Variants in PCDH9 observed in about 807,000 individuals in gnomAD.
PCDH9 encodes the protein protocadherin 9, also known as protocadherin-9.
PCDH9 carries 24 observed loss-of-function variants against 70.6 expected under a neutral mutation model. The ratio of observed to expected loss-of-function variants is 0.34; its 90% confidence interval spans 0.25 to 0.48. The LOEUF (loss-of-function observed/expected upper bound fraction) is 0.48, where lower values mean the gene tolerates loss of function less well. PCDH9 is among the 20% of genes least tolerant of loss of function. The probability of loss-of-function intolerance (pLI) is 0.99; values close to 1 mark genes in which losing one functional copy is unlikely to be tolerated. For missense variants in PCDH9, 1,281 were observed against 1,503.6 expected (o/e 0.85, Z 2.45); for synonymous variants, 562 against 558.5 (o/e 1.01, Z -0.09).
At chr13:66,898,484 A>C (rs1414091995) in intron 3 of PCDH9, among the ~76,000 whole-genome samples, 1 of 152,056 alleles carries the variant, frequency 6.6e-6, no homozygotes, top group Non-Finnish European at 1.5e-5. Context: ...GCTGATATCA[A>C]CAAGAACACC....
rs762353977 is a variant in PCDH9, at chr13:67,225,765, G to A, written c.2676C>T (p.Pro892=). 2.5e-6 allele frequency: 4 copies of A among 1,614,026 alleles called. No homozygotes were observed. The highest frequency in any genetic ancestry group is 2.2e-5 in the South Asian group (2 of 91,050). The change falls in exon 2 of 5, where the codon CCC becomes CCT. Residue 892 remains proline, a synonymous_variant. Transcript: ENST00000377865. ...TGATAGGTTCATGAACTGCATCATC[G>A]GGTTTGGACTCTTCGATAGTAACAA... is the stretch of plus-strand genomic sequence containing the variant. The part of the protein sequence containing the change: ...LNFVTIEESK[P]DDAVHEPING...
At chr13:66,956,953 G>C (rs1352955968) in intron 2 of PCDH9, among the ~76,000 whole-genome samples, 1 of 151,988 alleles carries the variant, frequency 6.6e-6, no homozygotes, top group African/African-American at 2.4e-5. Context: ...TTCCAAGTTG[G>C]TTTATCTCCA....
At chr13:66,837,913 C>T (rs1566230229) in intron 3 of PCDH9, among the ~76,000 whole-genome samples, 2 of 151,880 alleles carry the variant, frequency 1.3e-5, no homozygotes, top group African/African-American at 4.8e-5. Flanking sequence ...CCATTTCAAT[C>T]AAAGAGTGCC....
In PCDH9 at chr13:66,445,163, T is replaced by C. The variant is rs539517870; in HGVS notation, c.3341-140135A>G. 5.4e-5 allele frequency among the ~76,000 whole-genome samples: 8 copies of C among 147,010 alleles called. No individual in the cohort carries two copies. The South Asian group carries it at 1.7e-3, about 31-fold the overall frequency. On this transcript the variant is annotated intron_variant, in intron 4 of 4. Coordinates refer to ENST00000377865, the MANE Select transcript of PCDH9 (RefSeq NM_203487.3). ...TATTACATATATTATTTTACTATAT[T>C]ATATATTATATATATATAAAATCAC...
intron 3 of PCDH9, among the ~76,000 whole-genome samples, chr13:66,846,922 G>A (rs1317384496): frequency 6.8e-6 from 1 of 146,478 alleles, no homozygotes; most frequent in Admixed American, 6.8e-5. Context: ...CACACACAGA[G>A]TATATCACTA....
chr13:66,775,497 G>A (rs1399715659), intron 3 of PCDH9, among the ~76,000 whole-genome samples: 2 of 151,986 alleles, frequency 1.3e-5, no homozygotes, highest in African/African-American at 4.8e-5. Flanking sequence ...ATTTCCTTTT[G>A]CCTCTGCCAC....
At chr13:66,475,109 A>C (rs1156793156) in intron 4 of PCDH9, among the ~76,000 whole-genome samples, 1 of 152,104 alleles carries the variant, frequency 6.6e-6, no homozygotes, top group Non-Finnish European at 1.5e-5. Context: ...AGAAAAAGGA[A>C]TCACTGAATA....
intron 3 of PCDH9, among the ~76,000 whole-genome samples, chr13:66,656,920 G>A (rs1295888379): frequency 6.6e-6 from 1 of 152,140 alleles, no homozygotes; most frequent in Non-Finnish European, 1.5e-5. Flanking sequence ...AAGGAAATGA[G>A]AGCATCTGAA....
chr13:66,661,645 T>C, intron 3 of PCDH9, among the ~76,000 whole-genome samples: 1 of 152,200 alleles, frequency 6.6e-6, no homozygotes, highest in East Asian at 1.9e-4. Flanking sequence ...ACTCACACAA[T>C]TTTATCAGCA....
intron 4 of PCDH9, among the ~76,000 whole-genome samples, chr13:66,511,010 TCA>T (rs1342943556): frequency 6.6e-6 from 1 of 152,168 alleles, no homozygotes; most frequent in African/African-American, 2.4e-5. Flanking sequence ...TTTCCTTTGC[TCA>T]CTGAAGAAAA....
At chr13:66,986,619 G>C (rs1185372040) in intron 2 of PCDH9, among the ~76,000 whole-genome samples, 1 of 151,690 alleles carries the variant, frequency 6.6e-6, no homozygotes, top group East Asian at 1.9e-4. Context: ...GTTTTATTTA[G>C]GAATATAATT....
intron 3 of PCDH9, among the ~76,000 whole-genome samples, chr13:66,744,030 T>C (rs1053305568): frequency 6.6e-6 from 1 of 152,160 alleles, no homozygotes; most frequent in Non-Finnish European, 1.5e-5. Flanking sequence ...CATAAAAAGA[T>C]GGCCAGAAGG....
At chr13:66,858,590 T>C (rs1244577899) in intron 3 of PCDH9, among the ~76,000 whole-genome samples, 2 of 152,198 alleles carry the variant, frequency 1.3e-5, no homozygotes, top group Non-Finnish European at 1.5e-5. Flanking sequence ...ATTTCCTGAA[T>C]ACTCTTTTAT....
chr13:66,897,305 T>C (rs2082199183), intron 3 of PCDH9, among the ~76,000 whole-genome samples: 2 of 151,944 alleles, frequency 1.3e-5, no homozygotes, highest in South Asian at 2.1e-4. Flanking sequence ...ATATGACTCA[T>C]AGACTGGTTT....
intron 2 of PCDH9, among the ~76,000 whole-genome samples, chr13:66,917,807 C>A (rs2139635827): frequency 6.6e-6 from 1 of 151,458 alleles, no homozygotes; most frequent in South Asian, 2.1e-4. Context: ...ATTTTAACAT[C>A]ATGTATATGA....
At chr13:67,005,802 A>G (rs1239851307) in intron 2 of PCDH9, among the ~76,000 whole-genome samples, 2 of 152,184 alleles carry the variant, frequency 1.3e-5, no homozygotes, top group African/African-American at 4.8e-5. Context: ...TATTCTTTTA[A>G]TAACATAATT....
At chr13:67,173,548 C>G (rs1417055595) in intron 2 of PCDH9, among the ~76,000 whole-genome samples, 1 of 152,142 alleles carries the variant, frequency 6.6e-6, no homozygotes, top group African/African-American at 2.4e-5. Flanking sequence ...GGAAAATTCA[C>G]TTAGGCTACC....
intron 2 of PCDH9, among the ~76,000 whole-genome samples, chr13:67,051,521 T>C (rs1365162844): frequency 6.7e-6 from 1 of 149,498 alleles, no homozygotes; most frequent in Non-Finnish European, 1.5e-5. Flanking sequence ...GCCTCCCGAA[T>C]AGCTGGGATT....
At chr13:66,367,594 G>GA (rs1020579473) in intron 4 of PCDH9, among the ~76,000 whole-genome samples, 1 of 151,670 alleles carries the variant, frequency 6.6e-6, no homozygotes, top group African/African-American at 2.4e-5. Flanking sequence ...CCAGTGGGAG[G>GA]AAAAAAACAA....
Sources: allele counts gnomAD v4.1 joint callset (sites outside exome capture counted in the v4.1 genomes callset), GRCh38; gene constraint gnomAD v4.1.1; transcripts MANE v1.5; gene names NCBI Gene and HGNC (gene_info 2026-07-23, HGNC 2026-07-21).